The following ARHGAP30 variants were observed in gnomAD, a reference collection of about 807,000 sequenced individuals.
The protein encoded by ARHGAP30 is Rho GTPase activating protein 30, also known as rho GTPase-activating protein 30.
Under a neutral mutation model 72.0 loss-of-function variants are expected in ARHGAP30, and 23 were observed. The observed-to-expected ratio is 0.32, with a 90% CI of 0.23 to 0.45. ARHGAP30 has a LOEUF of 0.45. Among genes scored for constraint, ARHGAP30 ranks in the 20% least tolerant of loss-of-function variants. ARHGAP30 has a pLI of 1.00. For synonymous variants in ARHGAP30, 576 were observed against 528.2 expected (o/e 1.09, Z -1.24); for missense variants, 1,319 against 1,383.4 (o/e 0.95, Z 0.74).
rs751892317 is a variant in ARHGAP30 at position 161,048,777 on chromosome 1, T to C, written c.2244A>G (p.Lys748=). The C allele has an allele frequency of 6.2e-6, 10 of 1,614,124 alleles. No homozygotes were observed. The highest frequency in any genetic ancestry group is 1.7e-5 in the Admixed American group (1 of 60,016). The stretch of plus-strand genomic sequence containing the variant: ...GTTCATCCTCTTCTCTCTCAATTTC[T>C]TTTTCCTTCTCATCTGTATACTCAT... ...GGDEYTDEKE[K]EIEREEDEQR... is the part of the protein sequence containing the mutation. The change falls in exon 12 of 12, where the codon AAA becomes AAG. Residue 748 remains lysine, a synonymous_variant. Coordinates refer to ENST00000368013, the MANE Select transcript of ARHGAP30 (RefSeq NM_001025598.2).
rs759957158 is a variant in ARHGAP30, at chr1:161,049,548, G to T, written c.1562C>A (p.Pro521His). 2 of 1,614,160 alleles carry T rather than the reference G, an allele frequency of 1.2e-6. No individual in the cohort carries two copies. Among genetic ancestry groups the T allele is most frequent in the Non-Finnish European group, 1.7e-6 (2 of 1,180,020 alleles). ...SFLEDSSSSE[P>H]EWVGAEDGEV... ...CCCATCCTCTGCCCCCACCCACTCA[G>T]GTTCTGAGCTGCTTGAGTCCTCTAG... is the stretch of plus-strand genomic sequence containing the variant. Residue 521 changes from proline to histidine, a missense_variant, in exon 11 of 12, where the codon CCT becomes CAT. Transcript: ENST00000368013.
chr1:161,056,318 C>T, intron 3 of ARHGAP30, 70 bp downstream of exon 3: 2 of 1,563,964 alleles, frequency 1.3e-6, no homozygotes, highest in Non-Finnish European at 1.7e-6. Flanking sequence ...GTATGTGGCA[C>T]ACTTGGGATG....
intron 3 of ARHGAP30, 84 bp from the exon 4 acceptor site, chr1:161,054,789 A>G (rs1418475801): frequency 6.6e-6 from 8 of 1,206,262 alleles, no homozygotes; most frequent in Non-Finnish European, 8.6e-6. Flanking sequence ...CCAAGTTCTC[A>G]GGAACAATGT....
rs746615698 is a variant in ARHGAP30, at chr1:161,056,377, T to C, written c.345+11A>G. 6.2e-7 allele frequency: 1 copy of C among 1,612,972 alleles called. No individual in the cohort carries two copies. Among genetic ancestry groups the C allele is most frequent in the Non-Finnish European group, 8.5e-7 (1 of 1,179,550 alleles). Reference sequence around the variant, plus strand: ...GAGCCCTGTCTTCCACCCCTCGGCCTCTCAACTCACAGCAAACTTGTCATA... The same window carrying C: ...GAGCCCTGTCTTCCACCCCTCGGCCCCTCAACTCACAGCAAACTTGTCATA... On this transcript the variant is annotated intron_variant, in intron 3 of 11. Coordinates refer to ENST00000368013, the MANE Select transcript of ARHGAP30 (RefSeq NM_001025598.2).
rs770292771 is a variant in ARHGAP30 at position 161,048,692 on chromosome 1, G to C, written c.2329C>G (p.Gln777Glu). The change falls in exon 12 of 12, where the codon CAA becomes GAA. Residue 777 changes from glutamine (Q) to glutamate (E), a missense_variant. Gln to Glu is a conservative substitution (Grantham distance 29). This residue lies in a region of ARHGAP30 where 1,097 missense variants were observed against 1,045.2 expected (regional missense o/e 1.05). Coordinates refer to ENST00000368013, the MANE Select transcript of ARHGAP30 (RefSeq NM_001025598.2). ...RDLEQGAQED[Q>E]VAEEKWEVVQ... ...ACTTCCCATTTCTCCTCAGCAACTT[G>C]ATCTTCCTGGGCCCCTTGCTCTAGG... 1.2e-6 allele frequency: 2 copies of C among 1,614,006 alleles called. No individual in the cohort carries two copies. Among genetic ancestry groups the C allele is most frequent in the Non-Finnish European group, 8.5e-7 (1 of 1,180,020 alleles).
rs1557926757 is a variant in ARHGAP30 at position 161,055,895 on chromosome 1, TAAAATAAAATAAAATA to T, written c.345+477_345+492del. The stretch of plus-strand genomic sequence containing the variant: ...TAAAATAAAATAAAAATAAATAAAA[TAAAATAAAATAAAATA>T]AAATAAAATAAAATAAAATAAAATA... On this transcript the variant is annotated intron_variant, in intron 3 of 11. Coordinates refer to ENST00000368013, the MANE Select transcript of ARHGAP30 (RefSeq NM_001025598.2). Among the ~76,000 whole-genome samples, 21 of 37,212 alleles carry T rather than the reference TAAAATAAAATAAAATA, an allele frequency of 5.6e-4. No individual in the cohort carries two copies. The South Asian group carries it at 7.2e-3, about 13-fold the overall frequency. 24.4% of individuals were successfully genotyped at this position (37,212 alleles called of 152,430 possible).
intron 10 of ARHGAP30, among the ~76,000 whole-genome samples, chr1:161,050,096 G>A (rs1211673612): frequency 1.3e-5 from 2 of 151,908 alleles, no homozygotes; most frequent in Admixed American, 6.6e-5. Flanking sequence ...CCTGCCTCAG[G>A]ACTTCTCATG....
intron 2 of ARHGAP30, among the ~76,000 whole-genome samples, chr1:161,059,377 G>T (rs961588606): frequency 9.3e-5 from 14 of 150,922 alleles, no homozygotes; most frequent in Admixed American, 4.0e-4. Context: ...GTGTGGGAAT[G>T]GTGTATGTGA....
At position 161,053,290 on chromosome 1, in the gene ARHGAP30, A is replaced by G; in HGVS notation, c.632T>C (p.Val211Ala). 1.2e-6 allele frequency: 2 copies of G among 1,613,998 alleles called. No individual in the cohort carries two copies. Among genetic ancestry groups the G allele is most frequent in the Non-Finnish European group, 1.7e-6 (2 of 1,180,010 alleles). Residue 211 changes from valine to alanine, a missense_variant, in exon 6 of 12, where the codon GTG (valine) becomes GCG (alanine). This residue lies in a region of ARHGAP30 where 222 missense variants were observed against 338.2 expected (regional missense o/e 0.66). Coordinates refer to ENST00000368013, the MANE Select transcript of ARHGAP30 (RefSeq NM_001025598.2). The part of the protein sequence containing the change: ...SIVVEFILTH[V>A]DQLFGGAALS... ...GGCAGCACCCCCAAAGAGCTGGTCC[A>G]CGTGTGTGAGGATGAACTCCACGAC...
intron 1 of ARHGAP30, among the ~76,000 whole-genome samples, chr1:161,065,727 C>T (rs867844850): frequency 7.3e-5 from 11 of 151,714 alleles, no homozygotes; most frequent in Admixed American, 5.9e-4. Context: ...CCACTCTGCC[C>T]GGCTAATTTT....
intron 10 of ARHGAP30, 78 bp from the exon 11 acceptor site, chr1:161,049,767 T>TA (rs761132799): frequency 3.0e-5 from 46 of 1,527,148 alleles, no homozygotes; most frequent in South Asian, 2.6e-4. Flanking sequence ...CTAGCATTGA[T>TA]ATAGCAGGGG....
rs185432404 is a variant in ARHGAP30 at position 161,052,427 on chromosome 1, T to C, written c.940+13A>G. ...CACCCTCAGCAGAGCTCCCCCCATCTCCCCAGACTTACCCCTGTCCTCAGC... is the reference window on the plus strand; with the variant it reads ...CACCCTCAGCAGAGCTCCCCCCATCCCCCCAGACTTACCCCTGTCCTCAGC... On this transcript the variant is annotated intron_variant, in intron 8 of 11. Coordinates refer to ENST00000368013, the MANE Select transcript of ARHGAP30 (RefSeq NM_001025598.2). 1 of 1,611,950 alleles carries C rather than the reference T, an allele frequency of 6.2e-7. No individual in the cohort carries two copies. The highest frequency in any genetic ancestry group is 1.3e-5 in the African/African-American group (1 of 74,318).
Position 161,067,264 on chromosome 1 carries a change from A to G in ARHGAP30, c.97+2264T>C, listed in dbSNP as rs151331800. On this transcript the variant is annotated intron_variant, in intron 1 of 11. Transcript: ENST00000368013. ...AGGGAGGAAGGCCAAAAGCTTAGGGACCTGAGAATTAGAAACCTGAACAAT... is the reference window on the plus strand; with the variant it reads ...AGGGAGGAAGGCCAAAAGCTTAGGGGCCTGAGAATTAGAAACCTGAACAAT... Among the ~76,000 whole-genome samples the G allele has an allele frequency of 1.4e-4, 22 of 152,240 alleles. No homozygotes were observed. The East Asian group carries it at 4.2e-3, about 29-fold the overall frequency.
chr1:161,053,520 C>A, intron 5 of ARHGAP30, 135 bp from the exon 6 acceptor site: 1 of 1,050,872 alleles, frequency 9.5e-7, no homozygotes. Flanking sequence ...TGACCTTAAC[C>A]CCTTCTCTAC....
chr1:161,052,116 C>A (rs1651448245), intron 9 of ARHGAP30, among the ~76,000 whole-genome samples, 170 bp downstream of exon 9: 1 of 151,752 alleles, frequency 6.6e-6, no homozygotes, highest in Non-Finnish European at 1.5e-5. Context: ...ATAGATTAGA[C>A]AATCAACTCA....
Position 161,047,885 on chromosome 1 carries a change from G to A in ARHGAP30, c.3136C>T (p.Pro1046Ser), listed in dbSNP as rs1277058168. The A allele has an allele frequency of 2.5e-6, 4 of 1,611,910 alleles. No homozygotes were observed. The highest frequency in any genetic ancestry group is 1.1e-5 in the South Asian group (1 of 90,846). ...GATGGGAGCTCCAGGCAGCTAAGGGGCCGAGGAGAATGGGCAGAGATCATG... is the reference window on the plus strand; with the variant it reads ...GATGGGAGCTCCAGGCAGCTAAGGGACCGAGGAGAATGGGCAGAGATCATG... ...CSMISAHSPR[P>S]LSCLELPSEG... Residue 1046 changes from proline (P) to serine (S), a missense_variant, in exon 12 of 12, where the codon CCC (proline) becomes TCC (serine). Around this residue, in one of 2 missense-constraint regions of ARHGAP30, gnomAD observed 1,097 missense variants for 1,045.2 expected, o/e 1.05. Transcript: ENST00000368013.
In ARHGAP30 at chr1:161,051,165, C is replaced by T. The variant is rs753110692; in HGVS notation, c.1420+149G>A. 4.4e-6 allele frequency: 6 copies of T among 1,359,646 alleles called. No homozygotes were observed. In the Admixed American group the frequency reaches 9.7e-5, roughly 22 times the overall value. The allele number at this position is 1,359,646 out of a possible 1,614,324, so 84.2% of individuals were successfully genotyped here. Reference sequence around the variant, plus strand: ...GATAATATTACTGGATTTCCCTAATCCTGAATCTAGGGAGGCAGCTAAAGG... The same window carrying T: ...GATAATATTACTGGATTTCCCTAATTCTGAATCTAGGGAGGCAGCTAAAGG... On this transcript the variant is annotated intron_variant, in intron 10 of 11. Transcript: ENST00000368013.
intron 10 of ARHGAP30, among the ~76,000 whole-genome samples, chr1:161,050,801 T>C (rs554078606): frequency 1.2e-3 from 187 of 152,038 alleles, no homozygotes; most frequent in African/African-American, 4.4e-3. Flanking sequence ...CCACCACACC[T>C]GGCCAGTTTT....
At chr1:161,056,556 G>C in intron 2 of ARHGAP30, 24 bp from the exon 3 acceptor site, 1 of 1,606,478 alleles carries the variant, frequency 6.2e-7, no homozygotes, top group South Asian at 1.1e-5. Flanking sequence ...GTGTGGTCAG[G>C]AGTGGTAGGG....
Sources: allele counts gnomAD v4.1 joint callset (sites outside exome capture counted in the v4.1 genomes callset), GRCh38; gene constraint gnomAD v4.1.1; regional missense constraint gnomAD v4.1.1; transcripts MANE v1.5; gene names NCBI Gene and HGNC (gene_info 2026-07-23, HGNC 2026-07-21).